Variants in ATXN1 observed in about 807,000 individuals in gnomAD.
The protein encoded by ATXN1 is ataxin-1.
In ATXN1, 8 loss-of-function variants were observed where a neutral mutation model predicts 56.4. The observed-to-expected ratio is 0.14, with a 90% CI of 0.08 to 0.26. The LOEUF (loss-of-function observed/expected upper bound fraction) is 0.26. Among genes scored for constraint, ATXN1 ranks in the 10% least tolerant of loss-of-function variants. ATXN1 has a pLI of 1.00. For synonymous variants in ATXN1, 514 were observed against 494.6 expected (o/e 1.04, Z -0.52); for missense variants, 987 against 1,106.5 (o/e 0.89, Z 1.53).
intron 1 of ATXN1, among the ~76,000 whole-genome samples, 158 bp from the exon 2 acceptor site, chr6:16,753,505 A>G (rs759349081): frequency 1.3e-5 from 2 of 152,234 alleles, no homozygotes; most frequent in Non-Finnish European, 2.9e-5. Flanking sequence ...CACAGATCCC[A>G]GCCAGCTCAA....
intron 3 of ATXN1, among the ~76,000 whole-genome samples, chr6:16,638,208 G>C (rs1401388433): frequency 2.0e-5 from 3 of 151,996 alleles, no homozygotes; most frequent in Non-Finnish European, 2.9e-5. Context: ...ACTTTGGGAG[G>C]CTGAAGTGGA....
At chr6:16,593,310 T>C (rs1762757143) in intron 3 of ATXN1, among the ~76,000 whole-genome samples, 1 of 152,170 alleles carries the variant, frequency 6.6e-6, no homozygotes, top group South Asian at 2.1e-4. Context: ...TACTCCTGTG[T>C]GATCTCAAGC....
chr6:16,532,326 G>C (rs928272161), intron 4 of ATXN1, among the ~76,000 whole-genome samples: 1 of 152,140 alleles, frequency 6.6e-6, no homozygotes, highest in Non-Finnish European at 1.5e-5. Flanking sequence ...ACTGAACCTC[G>C]TCCATGATAA....
At chr6:16,346,909 G>A (rs542255519) in intron 6 of ATXN1, among the ~76,000 whole-genome samples, 7 of 152,240 alleles carry the variant, frequency 4.6e-5, no homozygotes, top group Non-Finnish European at 8.8e-5. Context: ...AACCCGGGCT[G>A]CGCGCGTTGC....
chr6:16,392,963 T>G (rs1236974984), intron 6 of ATXN1, among the ~76,000 whole-genome samples: 1 of 152,212 alleles, frequency 6.6e-6, no homozygotes, highest in African/African-American at 2.4e-5. Context: ...GCACTTGAAA[T>G]TTGACAGTAA....
chr6:16,438,569 C>T (rs1457307156), intron 6 of ATXN1, among the ~76,000 whole-genome samples: 1 of 152,194 alleles, frequency 6.6e-6, no homozygotes, highest in African/African-American at 2.4e-5. Flanking sequence ...AGAAGTCCTA[C>T]ACCTCATCTC....
intron 3 of ATXN1, among the ~76,000 whole-genome samples, chr6:16,606,319 C>G (rs1490873679): frequency 6.6e-6 from 1 of 152,070 alleles, no homozygotes; most frequent in Non-Finnish European, 1.5e-5. Context: ...GCCTCACCTG[C>G]GAACACATGT....
chr6:16,569,831 A>G (rs1375093358), intron 4 of ATXN1, among the ~76,000 whole-genome samples: 4 of 152,116 alleles, frequency 2.6e-5, no homozygotes, highest in Non-Finnish European at 5.9e-5. Context: ...GTATATGCCA[A>G]TTTCACCAAC....
chr6:16,501,096 T>C (rs545522513), intron 5 of ATXN1, among the ~76,000 whole-genome samples: 2 of 151,594 alleles, frequency 1.3e-5, no homozygotes, highest in African/African-American at 2.4e-5. Context: ...TGTAGGTTTG[T>C]GCATGTGCGT....
At chr6:16,416,135 T>G (rs1247659259) in intron 6 of ATXN1, among the ~76,000 whole-genome samples, 1 of 152,118 alleles carries the variant, frequency 6.6e-6, no homozygotes, top group Non-Finnish European at 1.5e-5. Flanking sequence ...TCATCCATTT[T>G]GCAGTCAGTG....
intron 3 of ATXN1, among the ~76,000 whole-genome samples, chr6:16,648,523 A>C (rs1763840817): frequency 6.6e-6 from 1 of 152,212 alleles, no homozygotes; most frequent in Admixed American, 6.5e-5. Context: ...GTGCAACAGA[A>C]TAGCTAAAGG....
Position 16,714,511 on chromosome 6 carries a change from A to C in ATXN1, c.-615+38722T>G, listed in dbSNP as rs1349716392. ...AATTATATACATATTCATTTTGAAA[A>C]ATACAGAAATGGCAAAGAAGAAAGT... On this transcript the variant is annotated intron_variant, in intron 2 of 7. Transcript: ENST00000436367. 2.6e-5 allele frequency among the ~76,000 whole-genome samples: 4 copies of C among 152,230 alleles called. No individual in the cohort carries two copies. The South Asian group carries it at 6.2e-4, about 24-fold the overall frequency.
At position 16,566,037 on chromosome 6, in the gene ATXN1, G is replaced by T. The variant is rs1462785612; in HGVS notation, c.-361+19743C>A. On this transcript the variant is annotated intron_variant, in intron 4 of 7. Transcript: ENST00000436367. ...GACTCTGGATGGTAGGGGGAGGGAA[G>T]GGTCTCAAAAAAGAGAGAAAAAGGA... Among the ~76,000 whole-genome samples, 5 of 152,114 alleles carry T rather than the reference G, an allele frequency of 3.3e-5. No homozygotes were observed. The East Asian group carries it at 9.7e-4, about 29-fold the overall frequency.
intron 3 of ATXN1, among the ~76,000 whole-genome samples, chr6:16,633,451 A>G (rs1262223171): frequency 2.0e-5 from 3 of 152,168 alleles, no homozygotes; most frequent in African/African-American, 7.2e-5. Context: ...ATGAGTCCTC[A>G]TTGTAATGTT....
At chr6:16,501,569 C>T (rs750680810) in intron 5 of ATXN1, among the ~76,000 whole-genome samples, 8 of 152,084 alleles carry the variant, frequency 5.3e-5, no homozygotes, top group South Asian at 2.1e-4. Context: ...TGAGAACATG[C>T]GGTGTTTGGT....
At chr6:16,586,469 T>C (rs76625882) in intron 3 of ATXN1, among the ~76,000 whole-genome samples, 6 of 152,302 alleles carry the variant, frequency 3.9e-5, no homozygotes, top group South Asian at 2.1e-4. Flanking sequence ...ATCACGAACA[T>C]TGATTAAACA....
At chr6:16,668,916 A>T (rs1758484166) in intron 2 of ATXN1, among the ~76,000 whole-genome samples, 1 of 152,020 alleles carries the variant, frequency 6.6e-6, no homozygotes, top group Admixed American at 6.6e-5. Context: ...GGATCTTTGT[A>T]ATGAATATTA....
intron 6 of ATXN1, among the ~76,000 whole-genome samples, chr6:16,422,559 C>G (rs1317364221): frequency 6.6e-6 from 1 of 152,158 alleles, no homozygotes; most frequent in East Asian, 1.9e-4. Flanking sequence ...CTCAGTGAAT[C>G]CGACTTCTAC....
At chr6:16,573,504 C>T (rs943082471) in intron 4 of ATXN1, among the ~76,000 whole-genome samples, 4 of 152,112 alleles carry the variant, frequency 2.6e-5, no homozygotes, top group Non-Finnish European at 4.4e-5. Flanking sequence ...CTGTTTCTCC[C>T]AACTCTGGCC....
Sources: allele counts gnomAD v4.1 joint callset (sites outside exome capture counted in the v4.1 genomes callset), GRCh38; gene constraint gnomAD v4.1.1; transcripts MANE v1.5; gene names NCBI Gene and HGNC (gene_info 2026-07-23, HGNC 2026-07-21).